The following SAMD3 variants were observed in gnomAD, a reference collection of about 807,000 sequenced individuals.
SAMD3 encodes sterile alpha motif domain containing 3.
Under a neutral mutation model 58.5 loss-of-function variants are expected in SAMD3, and 63 were observed. The ratio of observed to expected loss-of-function variants is 1.08; its 90% CI spans 0.88 to 1.33. The LOEUF (loss-of-function observed/expected upper bound fraction) is 1.33. Among genes scored for constraint, SAMD3 ranks in the 40% most tolerant of loss-of-function variants. The probability of loss-of-function intolerance (pLI) is 0.00; values close to 1 mark genes in which losing one functional copy is unlikely to be tolerated. For synonymous variants in SAMD3, 220 were observed against 210.3 expected (o/e 1.05, Z -0.40); for missense variants, 604 against 608.4 (o/e 0.99, Z 0.08).
chr6:130,255,740 C>A (rs981327802), intron 2 of SAMD3, among the ~76,000 whole-genome samples: 2 of 152,024 alleles, frequency 1.3e-5, no homozygotes, highest in African/African-American at 2.4e-5. Flanking sequence ...GCGATCCCCC[C>A]ACCTCAGCCT....
chr6:130,256,447 A>G lies in SAMD3; in HGVS notation c.-187-33634T>C, dbSNP rs918864630. On this transcript the variant is annotated intron_variant, in intron 2 of 13. Coordinates refer to the SAMD3 transcript ENST00000368134. ...CTTGACTATTTTCTGCCATGTAAAA[A>G]TAAAATACTTTTTAAAATTCATAAC... Among the ~76,000 whole-genome samples, 64 of 152,248 alleles carry G rather than the reference A, an allele frequency of 4.2e-4. 4 individuals are homozygous for G. Among genetic ancestry groups the G allele is most frequent in the Non-Finnish European group, 2.9e-5 (2 of 68,044 alleles).
rs1416014207 is a variant in SAMD3, at chr6:130,155,000, T to C, written c.848A>G (p.Glu283Gly). ...IKEEAVCFDS[E>G]LDEHIKWFQQ... ...GAACCACTTAATATGTTCATCTAGC[T>C]CAGAATCAAAACAAACAGCTTCTTC... The change falls in exon 9 of 12, where the codon GAG (glutamate) becomes GGG (glycine). Residue 283 changes from glutamate (E) to glycine (G), a missense_variant. Glu to Gly is a moderately conservative substitution (Grantham distance 98). Transcript: ENST00000439090. 1 of 1,613,118 alleles carries C rather than the reference T, an allele frequency of 6.2e-7. No individual in the cohort carries two copies. Among genetic ancestry groups the C allele is most frequent in the Admixed American group, 1.7e-5 (1 of 59,972 alleles).
chr6:130,359,852 G>C (rs1253461290), intron 1 of SAMD3, among the ~76,000 whole-genome samples: 1 of 152,196 alleles, frequency 6.6e-6, no homozygotes, highest in Non-Finnish European at 1.5e-5. Context: ...ATAGCTTCCA[G>C]GGATATGCTA....
chr6:130,255,347 CTT>C (rs1773887730), intron 2 of SAMD3, among the ~76,000 whole-genome samples: 1 of 152,082 alleles, frequency 6.6e-6, no homozygotes, highest in South Asian at 2.1e-4. Flanking sequence ...CCAGTGTTTC[CTT>C]ATTAATTTTC....
At chr6:130,296,412 A>G (rs190452562) in intron 2 of SAMD3, among the ~76,000 whole-genome samples, 1 of 152,220 alleles carries the variant, frequency 6.6e-6, no homozygotes, top group African/African-American at 2.4e-5. Context: ...GAGCCCTACA[A>G]AAGCCCCCTC....
intron 2 of SAMD3, among the ~76,000 whole-genome samples, chr6:130,275,051 G>GTA (rs1774726630): frequency 6.6e-6 from 1 of 152,136 alleles, no homozygotes; most frequent in African/African-American, 2.4e-5. Flanking sequence ...TAGACCTACT[G>GTA]TATCAAAATA....
intron 2 of SAMD3, among the ~76,000 whole-genome samples, chr6:130,300,884 G>A (rs1002326302): frequency 3.3e-5 from 5 of 151,902 alleles, no homozygotes; most frequent in African/African-American, 4.8e-5. Flanking sequence ...GGTTTGTTAC[G>A]TAGGTATACA....
chr6:130,269,173 T>C (rs184402188), intron 2 of SAMD3, among the ~76,000 whole-genome samples: 10 of 152,306 alleles, frequency 6.6e-5, no homozygotes, highest in Admixed American at 5.2e-4. Context: ...TTTTTTTGCC[T>C]ATATACGTTC....
rs144371874 is a variant in SAMD3, at chr6:130,254,170, T to TTTTATTTA, written c.-187-31365_-187-31358dup. On this transcript the variant is annotated intron_variant, in intron 2 of 13. Coordinates refer to the SAMD3 transcript ENST00000368134. Reference sequence around the variant, plus strand: ...ACTACGCTCAGCTAACTTTTTGTATTTTTATTTATTTATTTATTTATTTTA... The same window carrying TTTTATTTA: ...ACTACGCTCAGCTAACTTTTTGTATTTTTATTTATTTATTTATTTATTTATTTATTTTA... Among the ~76,000 whole-genome samples, 356 of 149,782 alleles carry TTTTATTTA rather than the reference T, an allele frequency of 2.4e-3. 2 individuals carry two copies. The highest frequency in any genetic ancestry group is 8.5e-3 in the African/African-American group (343 of 40,502).
At chr6:130,224,258 T>C (rs574052956), upstream of SAMD3, among the ~76,000 whole-genome samples, 6 of 152,212 alleles carry the variant, frequency 3.9e-5, 1 homozygote, top group South Asian at 1.2e-3. Flanking sequence ...TCAGGGTTTT[T>C]ATAGGCAGAG....
chr6:130,271,676 T>G (rs776745817), intron 2 of SAMD3, among the ~76,000 whole-genome samples: 11 of 152,240 alleles, frequency 7.2e-5, no homozygotes, highest in Non-Finnish European at 1.6e-4. Flanking sequence ...ATCCATTGTA[T>G]TAGTCTGTTT....
At chr6:130,331,932 G>T (rs967583648) in intron 1 of SAMD3, among the ~76,000 whole-genome samples, 4 of 152,210 alleles carry the variant, frequency 2.6e-5, no homozygotes, top group African/African-American at 9.6e-5. Context: ...GCAATCATTA[G>T]GGGTTAATCA....
At chr6:130,226,953 G>A (rs144902949), upstream of SAMD3, among the ~76,000 whole-genome samples, 9 of 152,226 alleles carry the variant, frequency 5.9e-5, no homozygotes, top group South Asian at 4.1e-4. Context: ...TAAATAAATT[G>A]TGCAAAAATA....
intron 5 of SAMD3, among the ~76,000 whole-genome samples, chr6:130,201,649 T>A (rs1794661587): frequency 6.6e-6 from 1 of 152,208 alleles, no homozygotes; most frequent in Admixed American, 6.5e-5. Context: ...AATCTCACCA[T>A]TTACAGCAAC....
At position 130,154,827 on chromosome 6, in the gene SAMD3, G is replaced by A; in HGVS notation, c.1021C>T (p.Gln341Ter). The change falls in exon 9 of 12, where the codon CAG (glutamine) becomes TAG (stop). Residue 341 changes from glutamine to a stop codon, truncating the protein, a stop_gained and splice_region_variant. Coordinates refer to ENST00000439090, the MANE Select transcript of SAMD3 (RefSeq NM_001017373.4). LOFTEE classifies it high-confidence loss of function. The stretch of plus-strand genomic sequence containing the variant: ...ATATATATATAGAATAAAGATACCT[G>A]ATAAGGGCACTTCAAGAAAGGAAAC... ...KLFPFLKCPY[Q>*]MFREFQLLTR... is the part of the protein sequence containing the mutation. 6.2e-7 allele frequency: 1 copy of A among 1,603,106 alleles called. No individual in the cohort carries two copies. Among genetic ancestry groups the A allele is most frequent in the Non-Finnish European group, 8.5e-7 (1 of 1,172,934 alleles).
chr6:130,180,547 A>G lies in SAMD3; in HGVS notation c.654+3556T>C, dbSNP rs77164558. On this transcript the variant is annotated intron_variant, in intron 7 of 11. Transcript: ENST00000439090. Reference sequence around the variant, plus strand: ...ATGACAGAAGAAAAATAAATGTGGCAAAAAAATCCCTAATCTAGATCAGTA... The same window carrying G: ...ATGACAGAAGAAAAATAAATGTGGCGAAAAAATCCCTAATCTAGATCAGTA... 7.4e-3 allele frequency among the ~76,000 whole-genome samples: 1,129 copies of G among 152,264 alleles called. 24 individuals are homozygous for G. Among genetic ancestry groups the G allele is most frequent in the African/African-American group, 0.026 (1,098 of 41,518 alleles).
intron 1 of SAMD3, among the ~76,000 whole-genome samples, chr6:130,362,273 C>T (rs1405352360): frequency 1.3e-5 from 2 of 152,140 alleles, no homozygotes; most frequent in Admixed American, 1.3e-4. Flanking sequence ...TGGGCAAGGG[C>T]CTGAGATCTT....
chr6:130,279,293 G>A (rs1429155895), intron 2 of SAMD3, among the ~76,000 whole-genome samples: 1 of 151,938 alleles, frequency 6.6e-6, no homozygotes, highest in Non-Finnish European at 1.5e-5. Flanking sequence ...TGTGAATCAT[G>A]GGGGCGGTTT....
In SAMD3 at chr6:130,351,856, A is replaced by G. The variant is rs553686331; in HGVS notation, c.-304+13264T>C. Among the ~76,000 whole-genome samples the G allele has an allele frequency of 4.0e-3, 606 of 152,286 alleles. 5 individuals carry two copies. The highest frequency in any genetic ancestry group is 0.014 in the African/African-American group (594 of 41,548). Reference sequence around the variant, plus strand: ...AGACTGGATTAAGAAAATGTGGCACATATACACCATGGAATACTAGGCAGC... The same window carrying G: ...AGACTGGATTAAGAAAATGTGGCACGTATACACCATGGAATACTAGGCAGC... On this transcript the variant is annotated intron_variant, in intron 1 of 13. Transcript: ENST00000368134.
Sources: allele counts gnomAD v4.1 joint callset (sites outside exome capture counted in the v4.1 genomes callset), GRCh38; gene constraint gnomAD v4.1.1; transcripts MANE v1.5; gene names NCBI Gene and HGNC (gene_info 2026-07-23, HGNC 2026-07-21).